STK32A: variants seen among roughly 807,000 people sequenced by gnomAD.
The protein encoded by STK32A is serine/threonine-protein kinase 32A.
Under a neutral mutation model 53.2 loss-of-function variants are expected in STK32A, and 41 were observed. The ratio of observed to expected loss-of-function variants is 0.77; its 90% CI spans 0.60 to 1.00. STK32A has a LOEUF of 1.00. Among genes scored for constraint, STK32A ranks in the 50% least tolerant of loss-of-function variants. The pLI, the probability that STK32A is intolerant of heterozygous loss-of-function variation, is 0.00. For synonymous variants in STK32A, 166 were observed against 162.8 expected (o/e 1.02, Z -0.15); for missense variants, 458 against 485.8 (o/e 0.94, Z 0.54).
intron 4 of STK32A, among the ~76,000 whole-genome samples, chr5:147,313,251 T>C (rs78671275): frequency 0.061 from 9,306 of 151,574 alleles, 514 homozygotes; most frequent in East Asian, 0.21. Context: ...CAAAACAAAA[T>C]AACAACAACA....
intron 4 of STK32A, among the ~76,000 whole-genome samples, chr5:147,313,950 A>T (rs910411763): frequency 6.6e-6 from 1 of 152,170 alleles, no homozygotes; most frequent in Non-Finnish European, 1.5e-5. Flanking sequence ...AAATATAAGA[A>T]CTTAATGTAT....
rs371321329 is a variant in STK32A at position 147,283,757 on chromosome 5, C to T, written c.260+4359C>T. Among the ~76,000 whole-genome samples the T allele has an allele frequency of 2.2e-3, 342 of 152,024 alleles. 12 individuals carry two copies. In the South Asian group the frequency reaches 0.069, roughly 31 times the overall value. On this transcript the variant is annotated intron_variant, in intron 4 of 12. Coordinates refer to ENST00000397936, the MANE Select transcript of STK32A (RefSeq NM_001112724.2). ...AGCTTAAATCAGGAAGAATTAAATA[C>T]CCTGAACAGATCAATAGCAAGCAGC...
chr5:147,308,684 T>C (rs1753543009), intron 4 of STK32A, among the ~76,000 whole-genome samples: 1 of 151,742 alleles, frequency 6.6e-6, no homozygotes, highest in Non-Finnish European at 1.5e-5. Context: ...AGATATCCTT[T>C]ATCACAATAA....
intron 1 of STK32A, among the ~76,000 whole-genome samples, chr5:147,238,279 T>C (rs955002318): frequency 5.3e-5 from 8 of 152,234 alleles, no homozygotes; most frequent in African/African-American, 1.7e-4. Context: ...GATGGAGCCA[T>C]TGCCACCATT....
intron 7 of STK32A, among the ~76,000 whole-genome samples, chr5:147,355,520 A>G (rs1231937830): frequency 6.6e-6 from 1 of 151,666 alleles, no homozygotes; most frequent in Non-Finnish European, 1.5e-5. Context: ...AAAAAAATAC[A>G]CAAAAAAATT....
chr5:147,271,530 G>A (rs7729048), intron 2 of STK32A, among the ~76,000 whole-genome samples: 89,475 of 152,020 alleles, frequency 0.59, 26,701 homozygotes, highest in African/African-American at 0.67. Flanking sequence ...CCGGTGAGCC[G>A]GGAGGAACAG....
intron 5 of STK32A, 87 bp from the exon 6 acceptor site, chr5:147,342,919 T>G: frequency 6.7e-6 from 8 of 1,190,124 alleles, no homozygotes; most frequent in Non-Finnish European, 9.9e-6. Context: ...TCAACTCCAG[T>G]TAGCTTTCTT....
the STK32A span, among the ~76,000 whole-genome samples, chr5:147,394,312 A>G: frequency 6.6e-6 from 1 of 152,222 alleles, no homozygotes; most frequent in Non-Finnish European, 1.5e-5. Flanking sequence ...CCCGAAAACT[A>G]GCCTCTGGTA....
At chr5:147,317,397 GGCTCACT>G (rs1754058083) in intron 4 of STK32A, among the ~76,000 whole-genome samples, 1 of 120,216 alleles carries the variant, frequency 8.3e-6, no homozygotes, top group African/African-American at 3.3e-5. Flanking sequence ...GTGTGATCTC[GGCTCACT>G]GCAACCTCCG....
chr5:147,344,037 A>G (rs967471170), intron 6 of STK32A, among the ~76,000 whole-genome samples: 5 of 152,150 alleles, frequency 3.3e-5, no homozygotes, highest in African/African-American at 1.2e-4. Flanking sequence ...AATATCAGGG[A>G]AGATCTGCAG....
chr5:147,376,768 G>A (rs1757248301), intron 11 of STK32A, among the ~76,000 whole-genome samples: 2 of 152,226 alleles, frequency 1.3e-5, no homozygotes, highest in African/African-American at 2.4e-5. Flanking sequence ...CACATAGGGG[G>A]CTTCCTCTCA....
At position 147,375,157 on chromosome 5, in the gene STK32A, A is replaced by G. The variant is rs1227949416; in HGVS notation, c.971A>G (p.His324Arg). 1 of 1,610,448 alleles carries G rather than the reference A, an allele frequency of 6.2e-7. No homozygotes were observed. The highest frequency in any genetic ancestry group is 8.5e-7 in the Non-Finnish European group (1 of 1,178,396). Reference sequence around the variant, plus strand: ...ATGATTTTGGAGTCCAAACCTCTACATAAGAAAAAAAAGCGTCTGGCAAAG... The same window carrying G: ...ATGATTTTGGAGTCCAAACCTCTACGTAAGAAAAAAAAGCGTCTGGCAAAG... Reference protein sequence around the residue: ...EEMILESKPLHKKKKRLAKKE... With the variant: ...EEMILESKPLRKKKKRLAKKE... Residue 324 changes from histidine (H) to arginine (R), a missense_variant, in exon 11 of 13, where the codon CAT (histidine) becomes CGT (arginine). By Grantham distance (29) the His-to-Arg change is conservative (BLOSUM62 0). Coordinates refer to ENST00000397936, the MANE Select transcript of STK32A (RefSeq NM_001112724.2).
intron 7 of STK32A, among the ~76,000 whole-genome samples, chr5:147,359,129 A>G (rs1195582131): frequency 6.6e-6 from 1 of 152,198 alleles, no homozygotes; most frequent in Non-Finnish European, 1.5e-5. Context: ...TTTGAAGGAC[A>G]CTTAGCCCTT....
intron 5 of STK32A, among the ~76,000 whole-genome samples, chr5:147,339,722 G>A (rs560405123): frequency 2.6e-5 from 4 of 152,268 alleles, no homozygotes; most frequent in Admixed American, 1.3e-4. Flanking sequence ...GTGAGACATG[G>A]AGTCAAAGAT....
chr5:147,358,606 C>T (rs185211035), intron 7 of STK32A, among the ~76,000 whole-genome samples: 93 of 152,234 alleles, frequency 6.1e-4, no homozygotes, highest in Non-Finnish European at 2.8e-4. Context: ...AACTTAACTA[C>T]ATGTAGCAAC....
intron 11 of STK32A, 141 bp from the exon 12 acceptor site, chr5:147,383,300 T>C: frequency 2.8e-6 from 2 of 710,496 alleles, no homozygotes; most frequent in Non-Finnish European, 4.8e-6. Flanking sequence ...CTTCTTCACA[T>C]AGCATCCATT....
chr5:147,315,647 A>G (rs764392531), intron 4 of STK32A, among the ~76,000 whole-genome samples: 16 of 152,206 alleles, frequency 1.1e-4, no homozygotes, highest in Non-Finnish European at 2.1e-4. Context: ...AAAAATGGAC[A>G]GTGGTGATGG....
At chr5:147,365,021 A>G (rs1369667441) in intron 8 of STK32A, among the ~76,000 whole-genome samples, 1 of 152,140 alleles carries the variant, frequency 6.6e-6, no homozygotes, top group African/African-American at 2.4e-5. Flanking sequence ...CATCATCCAG[A>G]TACTGCAGCT....
chr5:147,279,847 G>T (rs1371986734), intron 4 of STK32A, among the ~76,000 whole-genome samples: 1 of 152,134 alleles, frequency 6.6e-6, no homozygotes. Context: ...TGAAACCTAG[G>T]TCAAATCCAG....
Sources: gnomAD v4.1 joint callset for allele counts (sites outside exome capture counted in the v4.1 genomes callset) on GRCh38, gnomAD v4.1.1 for gene constraint, MANE v1.5 for transcripts, NCBI Gene and HGNC (gene_info 2026-07-23, HGNC 2026-07-21) for gene names.